Variants in CTNNA1 observed in about 807,000 individuals in gnomAD.
CTNNA1 encodes catenin alpha 1, also known as catenin alpha-1.
In CTNNA1, 37 loss-of-function variants were observed where a neutral mutation model predicts 98.4. That is an observed-to-expected ratio of 0.38 (90% CI 0.29 to 0.49). CTNNA1 has a LOEUF of 0.49. CTNNA1 is among the 20% of genes least tolerant of loss of function. The pLI is 0.95. For missense variants in CTNNA1, 761 were observed against 1,147.2 expected, an observed-to-expected ratio of 0.66 and a Z score of 4.86; for synonymous variants, 404 against 413.2, an observed-to-expected ratio of 0.98 and a Z score of 0.27.
intron 9 of CTNNA1, among the ~76,000 whole-genome samples, 158 bp from the exon 10 acceptor site, chr5:138,904,191 G>A (rs1463439750): frequency 6.6e-6 from 1 of 152,238 alleles, no homozygotes; most frequent in Admixed American, 6.5e-5. Flanking sequence ...AGTTAAAAAT[G>A]TGTCCTCATC....
intron 5 of CTNNA1, among the ~76,000 whole-genome samples, chr5:138,823,710 C>A (rs1760286373): frequency 6.6e-6 from 1 of 152,050 alleles, no homozygotes; most frequent in African/African-American, 2.4e-5. Context: ...GTAATCCCAG[C>A]ACTTTGGGAG....
At chr5:138,780,471 G>A (rs931938047) in intron 1 of CTNNA1, among the ~76,000 whole-genome samples, 1 of 151,898 alleles carries the variant, frequency 6.6e-6, no homozygotes, top group Non-Finnish European at 1.5e-5. Context: ...GGGATTACAG[G>A]CGTGAGCCAC....
At chr5:138,780,948 CTG>C (rs3048865) in intron 1 of CTNNA1, among the ~76,000 whole-genome samples, 103,239 of 151,886 alleles carry the variant, frequency 0.68, 35,322 homozygotes, top group East Asian at 0.93. Context: ...AAAAGACTAA[CTG>C]TTATTTTCGT....
In CTNNA1 at chr5:138,753,468, G is replaced by A; in HGVS notation, c.-45G>A. The A allele has an allele frequency of 2.6e-6, 1 of 378,486 alleles. No homozygotes were observed. Among genetic ancestry groups the A allele is most frequent in the Non-Finnish European group, 4.7e-6 (1 of 212,870 alleles). The allele number at this position is 378,486 out of a possible 1,614,324, so 23.4% of individuals were successfully genotyped here. On this transcript the variant is annotated 5_prime_UTR_variant, in exon 1 of 18. Coordinates refer to ENST00000302763, the MANE Select transcript of CTNNA1 (RefSeq NM_001903.5). ...GAGGGAGACAAAGCAGCGCCCGTCT[G>A]CTTCGGGCCTCTGGAATTTAGCGCT...
intron 16 of CTNNA1, 147 bp downstream of exon 16, chr5:138,931,082 T>C: frequency 1.6e-6 from 1 of 633,742 alleles, no homozygotes; most frequent in South Asian, 1.9e-5. Flanking sequence ...AGCATAGATT[T>C]GTAAGGATTC....
At position 138,827,495 on chromosome 5, in the gene CTNNA1, C is replaced by G. The variant is rs770552795; in HGVS notation, c.859-20C>G. On this transcript the variant is annotated intron_variant, in intron 6 of 17. Transcript: ENST00000302763. ...GGGAACAGAGATGAGTACTAACATT[C>G]GGTAATACTTTCTCTGCAGAAACAA... 3.7e-6 allele frequency: 6 copies of G among 1,611,784 alleles called. No homozygotes were observed. The highest frequency in any genetic ancestry group is 5.1e-6 in the Non-Finnish European group (6 of 1,177,962).
intron 1 of CTNNA1, among the ~76,000 whole-genome samples, chr5:138,766,213 C>G (rs1288947968): frequency 1.3e-5 from 2 of 152,072 alleles, no homozygotes; most frequent in Admixed American, 1.3e-4. Flanking sequence ...CTTTGTGAGG[C>G]AGAGATGACA....
chr5:138,794,671 G>A (rs1756740036), intron 3 of CTNNA1, among the ~76,000 whole-genome samples: 1 of 152,190 alleles, frequency 6.6e-6, no homozygotes, highest in Non-Finnish European at 1.5e-5. Context: ...ATTGACAAGT[G>A]TGGAAAACAT....
Position 138,873,468 on chromosome 5 carries a change from T to A in CTNNA1, c.1063-12744T>A. ...GTTGTAGCCATGACAGTGACAGTGG[T>A]TGACAAATTCCAGCAGAGCTGAAAT... On this transcript the variant is annotated intron_variant, in intron 7 of 17. Transcript: ENST00000302763. This position sits in a 1 kb window ranked among gnomAD's most constrained non-coding sequence, Gnocchi z 6.1. The A allele has an allele frequency of 1.2e-6, 2 of 1,614,010 alleles. No individual in the cohort carries two copies. The highest frequency in any genetic ancestry group is 1.7e-6 in the Non-Finnish European group (2 of 1,179,886).
At chr5:138,765,841 T>A (rs1752869839) in intron 1 of CTNNA1, among the ~76,000 whole-genome samples, 1 of 147,558 alleles carries the variant, frequency 6.8e-6, no homozygotes, top group African/African-American at 2.5e-5. Context: ...CCCAGCTACT[T>A]GGGAGGCTGA....
At chr5:138,802,002 A>C (rs180814395) in intron 3 of CTNNA1, among the ~76,000 whole-genome samples, 22 of 152,330 alleles carry the variant, frequency 1.4e-4, no homozygotes, top group African/African-American at 5.1e-4. Context: ...ACGACACATT[A>C]AAGGAACTCT....
intron 4 of CTNNA1, among the ~76,000 whole-genome samples, chr5:138,811,764 G>A (rs1004581053): frequency 2.6e-5 from 4 of 152,084 alleles, no homozygotes; most frequent in Non-Finnish European, 5.9e-5. Context: ...AAAAAAATAC[G>A]AAAACCAGTC....
chr5:138,915,137 A>G (rs951247913), intron 10 of CTNNA1, among the ~76,000 whole-genome samples: 2 of 152,038 alleles, frequency 1.3e-5, no homozygotes, highest in African/African-American at 2.4e-5. Context: ...ACAGAGGGAC[A>G]CTCTGTCTCT....
chr5:138,859,733 C>T (rs534092668), intron 7 of CTNNA1, among the ~76,000 whole-genome samples: 3 of 152,100 alleles, frequency 2.0e-5, no homozygotes, highest in African/African-American at 7.2e-5. Context: ...CATGGCAAAA[C>T]CCCATCTCTA....
At chr5:138,825,699 T>C (rs982490461) in intron 6 of CTNNA1, among the ~76,000 whole-genome samples, 8 of 152,108 alleles carry the variant, frequency 5.3e-5, no homozygotes, top group African/African-American at 1.4e-4. Context: ...CCACTTTACT[T>C]TCGCTTAGGT....
rs537875234 is a variant in CTNNA1 at position 138,777,685 on chromosome 5, G to A, written c.-2-4238G>A. On this transcript the variant is annotated intron_variant, in intron 1 of 17. Transcript: ENST00000302763. ...AGCCCGGCTAACACAGTGAAACCCC[G>A]TCTCCACCAAAAAAATACAAAAACC... Among the ~76,000 whole-genome samples the A allele has an allele frequency of 1.1e-4, 16 of 151,810 alleles. No individual in the cohort carries two copies. In the East Asian group the frequency reaches 2.9e-3, roughly 28 times the overall value.
intron 3 of CTNNA1, among the ~76,000 whole-genome samples, chr5:138,802,633 TGG>T (rs1368690542): frequency 6.6e-6 from 1 of 152,244 alleles, no homozygotes; most frequent in Non-Finnish European, 1.5e-5. Context: ...TCAGCTTGTA[TGG>T]TCATTTTTAC....
intron 16 of CTNNA1, chr5:138,932,061 T>TTGTC: frequency 1.0e-6 from 1 of 985,802 alleles, no homozygotes; most frequent in Middle Eastern, 5.2e-4. Flanking sequence ...CTTTACTCAC[T>TTGTC]TGTCTTCCAC....
chr5:138,904,309 A>T, intron 9 of CTNNA1, 40 bp from the exon 10 acceptor site: 2 of 1,587,842 alleles, frequency 1.3e-6, no homozygotes, highest in Non-Finnish European at 1.7e-6. Context: ...TTAGCAGTCA[A>T]AAGAGAAAAA....
Sources: gnomAD v4.1 joint callset for allele counts (sites outside exome capture counted in the v4.1 genomes callset) on GRCh38, gnomAD v4.1.1 for gene constraint, Gnocchi (gnomAD v3.1) non-coding constraint, MANE v1.5 for transcripts, NCBI Gene and HGNC (gene_info 2026-07-23, HGNC 2026-07-21) for gene names.